The following WDR49 variants were observed in gnomAD, a reference collection of about 807,000 sequenced individuals.
The protein encoded by WDR49 is WD repeat domain 49.
A neutral mutation model predicts 119.5 loss-of-function variants in WDR49; 107 were observed. That is an observed-to-expected ratio of 0.90 (90% CI 0.77 to 1.05). WDR49 has a LOEUF of 1.05. Ranked by LOEUF, WDR49 falls within the 50% of genes least tolerant of loss-of-function variation. The pLI, the probability that WDR49 is intolerant of heterozygous loss-of-function variation, is 0.00. For synonymous variants in WDR49, 425 were observed against 418.8 expected, an observed-to-expected ratio of 1.01 and a Z score of -0.18; for missense variants, 1,240 against 1,220.5, an observed-to-expected ratio of 1.02 and a Z score of -0.24.
At chr3:167,594,943 C>T (rs1180001107) in intron 7 of WDR49, among the ~76,000 whole-genome samples, 12 of 150,498 alleles carry the variant, frequency 8.0e-5, no homozygotes, top group Non-Finnish European at 7.4e-5. Flanking sequence ...TCTTTGCAGA[C>T]GACATGATTG....
In WDR49 at chr3:167,603,879, C is replaced by T. The variant is rs188591821; in HGVS notation, c.1126+422G>A. Reference sequence around the variant, plus strand: ...GAAAAACAGTCTACATTTTGCGGTTCTCTTGTGTATGGATGTGTGTGTGTG... The same window carrying T: ...GAAAAACAGTCTACATTTTGCGGTTTTCTTGTGTATGGATGTGTGTGTGTG... On this transcript the variant is annotated intron_variant, in intron 6 of 18. Coordinates refer to ENST00000682715, the MANE Select transcript of WDR49 (RefSeq NM_001366157.1). Among the ~76,000 whole-genome samples, 3 of 151,998 alleles carry T rather than the reference C, an allele frequency of 2.0e-5. No homozygotes were observed. The East Asian group carries it at 5.8e-4, about 29-fold the overall frequency.
intron 7 of WDR49, among the ~76,000 whole-genome samples, chr3:167,595,706 A>G (rs910529632): frequency 2.6e-5 from 4 of 152,154 alleles, no homozygotes; most frequent in Admixed American, 2.6e-4. Flanking sequence ...TACACCTTAT[A>G]CAAAAATCAA....
chr3:167,544,978 A>G (rs1001508832), intron 10 of WDR49, among the ~76,000 whole-genome samples: 2 of 152,066 alleles, frequency 1.3e-5, no homozygotes, highest in African/African-American at 4.8e-5. Flanking sequence ...ATCTACAAGA[A>G]CTCAAACAAA....
At chr3:167,621,398 A>C in intron 4 of WDR49, 69 bp downstream of exon 4, 1 of 1,374,268 alleles carries the variant, frequency 7.3e-7, no homozygotes, top group Non-Finnish European at 9.5e-7. Context: ...ATTGCATTTT[A>C]ATTTCTACTT....
intron 5 of WDR49, among the ~76,000 whole-genome samples, chr3:167,615,912 C>G (rs898799150): frequency 2.0e-5 from 3 of 152,156 alleles, no homozygotes; most frequent in Non-Finnish European, 2.9e-5. Context: ...GTGCACAATA[C>G]CATGTGCAGA....
At chr3:167,592,316 C>A (rs1203082346) in intron 7 of WDR49, among the ~76,000 whole-genome samples, 1 of 151,840 alleles carries the variant, frequency 6.6e-6, no homozygotes, top group Non-Finnish European at 1.5e-5. Flanking sequence ...ATCATTTAAT[C>A]TTTCTACTTC....
intron 7 of WDR49, among the ~76,000 whole-genome samples, chr3:167,600,457 T>C (rs950051809): frequency 4.6e-5 from 7 of 152,224 alleles, no homozygotes; most frequent in African/African-American, 1.7e-4. Context: ...AACCAGGTAC[T>C]GTGAGTGCTC....
intron 10 of WDR49, among the ~76,000 whole-genome samples, chr3:167,553,725 T>C (rs1339409411): frequency 1.3e-5 from 2 of 152,082 alleles, no homozygotes; most frequent in African/African-American, 4.8e-5. Context: ...AGTCTTGTCC[T>C]TCACAGATGA....
chr3:167,630,911 T>A (rs1396514180), intron 2 of WDR49, among the ~76,000 whole-genome samples: 1 of 152,116 alleles, frequency 6.6e-6, no homozygotes, highest in South Asian at 2.1e-4. Flanking sequence ...AGCTAACACA[T>A]GTATCTTCTC....
chr3:167,656,532 T>C (rs1163332854), upstream of WDR49, among the ~76,000 whole-genome samples: 2 of 152,200 alleles, frequency 1.3e-5, no homozygotes, highest in East Asian at 3.9e-4. Flanking sequence ...ACAGACAAGA[T>C]GCCTGGCCTA....
At chr3:167,593,605 T>C (rs988721274) in intron 7 of WDR49, among the ~76,000 whole-genome samples, 1 of 152,262 alleles carries the variant, frequency 6.6e-6, no homozygotes, top group African/African-American at 2.4e-5. Flanking sequence ...GGATGTGTTA[T>C]TGTGCCTTAT....
At chr3:167,520,409 C>T (rs557782941) in intron 16 of WDR49, among the ~76,000 whole-genome samples, 1 of 151,986 alleles carries the variant, frequency 6.6e-6, no homozygotes, top group African/African-American at 2.4e-5. Context: ...CCTAAGGTAA[C>T]TTTATTTCTT....
chr3:167,635,167 C>T (rs1717553451), intron 2 of WDR49, among the ~76,000 whole-genome samples: 1 of 151,674 alleles, frequency 6.6e-6, no homozygotes, highest in South Asian at 2.1e-4. Context: ...CTAAGCTGTC[C>T]AATTATTTCC....
At chr3:167,572,234 G>A (rs1383464244) in intron 8 of WDR49, among the ~76,000 whole-genome samples, 2 of 152,162 alleles carry the variant, frequency 1.3e-5, no homozygotes, top group African/African-American at 4.8e-5. Flanking sequence ...ACTTTGCCAG[G>A]TGAAATAAAG....
At chr3:167,604,653 G>A (rs1177477499) in intron 5 of WDR49, among the ~76,000 whole-genome samples, 185 bp from the exon 6 acceptor site, 1 of 152,112 alleles carries the variant, frequency 6.6e-6, no homozygotes, top group Non-Finnish European at 1.5e-5. Context: ...CCATTGAGAA[G>A]TTACAGGAAA....
At chr3:167,508,858 A>G (rs1261685457) in intron 16 of WDR49, among the ~76,000 whole-genome samples, 1 of 152,158 alleles carries the variant, frequency 6.6e-6, no homozygotes, top group East Asian at 1.9e-4. Flanking sequence ...GGATTTTAAT[A>G]TTTTGTGTAT....
intron 9 of WDR49, 146 bp downstream of exon 9, chr3:167,559,918 G>A (rs1713160620): frequency 1.2e-5 from 9 of 727,996 alleles, no homozygotes; most frequent in Admixed American, 3.0e-5. Flanking sequence ...TTATTAGATG[G>A]TTGGAGTTAT....
At chr3:167,639,381 C>T (rs897666784) in intron 2 of WDR49, among the ~76,000 whole-genome samples, 1 of 151,626 alleles carries the variant, frequency 6.6e-6, no homozygotes, top group Non-Finnish European at 1.5e-5. Context: ...TAAGAAAAGA[C>T]TTCTCTGAGG....
chr3:167,498,376 A>G (rs1472737089), intron 18 of WDR49, among the ~76,000 whole-genome samples: 2 of 152,176 alleles, frequency 1.3e-5, no homozygotes, highest in Non-Finnish European at 2.9e-5. Flanking sequence ...TATGAGACTC[A>G]AAGAAGGGCC....
Sources: gnomAD v4.1 joint callset for allele counts (sites outside exome capture counted in the v4.1 genomes callset) on GRCh38, gnomAD v4.1.1 for gene constraint, MANE v1.5 for transcripts, NCBI Gene and HGNC (gene_info 2026-07-23, HGNC 2026-07-21) for gene names.